Variants in GTF2IRD1 observed in about 807,000 individuals in gnomAD.
GTF2IRD1 encodes the protein general transcription factor II-I repeat domain-containing protein 1.
Under a neutral mutation model 113.2 loss-of-function variants are expected in GTF2IRD1, and 26 were observed. The ratio of observed to expected loss-of-function variants is 0.23; its 90% CI spans 0.17 to 0.32. The LOEUF (loss-of-function observed/expected upper bound fraction) is 0.32, where lower values mean the gene tolerates loss of function less well. GTF2IRD1 is among the 10% of genes least tolerant of loss of function. The probability of loss-of-function intolerance (pLI) is 1.00; values close to 1 mark genes in which losing one functional copy is unlikely to be tolerated. For synonymous variants in GTF2IRD1, 484 were observed against 529.1 expected (o/e 0.91, Z 1.17); for missense variants, 864 against 1,280.8 (o/e 0.67, Z 4.97).
intron 7 of GTF2IRD1, among the ~76,000 whole-genome samples, chr7:74,522,859 A>G (rs1436906276): frequency 1.3e-5 from 2 of 152,250 alleles, no homozygotes; most frequent in Non-Finnish European, 2.9e-5. Flanking sequence ...TAAAGTACTT[A>G]GCACAGATAA....
chr7:74,527,930 A>T lies in GTF2IRD1; in HGVS notation c.1091-1804A>T, dbSNP rs141563458. Among the ~76,000 whole-genome samples the T allele has an allele frequency of 1.3e-3, 201 of 152,242 alleles. 1 individual carries two copies. Among genetic ancestry groups the T allele is most frequent in the African/African-American group, 4.6e-3 (189 of 41,532 alleles). ...ACTGAAATGGCACAAGTCTGGGAAAACAGAGCAAGTAGCCTGGGCATGAGC... is the reference window on the plus strand; with the variant it reads ...ACTGAAATGGCACAAGTCTGGGAAATCAGAGCAAGTAGCCTGGGCATGAGC... On this transcript the variant is annotated intron_variant, in intron 8 of 26. Transcript: ENST00000424337.
chr7:74,533,800 G>A (rs1484306655), intron 9 of GTF2IRD1, among the ~76,000 whole-genome samples: 12 of 152,174 alleles, frequency 7.9e-5, no homozygotes, highest in Admixed American at 5.9e-4. Context: ...CTGGGAGGCT[G>A]AGGCAGGAGG....
chr7:74,572,825 G>A (rs1404567976), intron 22 of GTF2IRD1, among the ~76,000 whole-genome samples: 1 of 152,124 alleles, frequency 6.6e-6, no homozygotes, highest in Non-Finnish European at 1.5e-5. Context: ...TTGTTAATTA[G>A]GGTTCAGTAA....
At chr7:74,562,555 C>CT (rs1167468655) in intron 22 of GTF2IRD1, among the ~76,000 whole-genome samples, 23,087 of 62,398 alleles carry the variant, frequency 0.37, 8,312 homozygotes, top group Non-Finnish European at 0.45. Flanking sequence ...CAATTGCCCT[C>CT]TTTTTTTTTT....
At chr7:74,466,993 C>G (rs1758849480) in intron 1 of GTF2IRD1, among the ~76,000 whole-genome samples, 1 of 151,516 alleles carries the variant, frequency 6.6e-6, no homozygotes, top group Admixed American at 6.6e-5. Flanking sequence ...CTCCATTGCC[C>G]AGGCTGGAGT....
Position 74,508,159 on chromosome 7 carries a change from A to G in GTF2IRD1, c.79A>G (p.Lys27Glu). ...PDRWNSAFTR[K>E]DEIITSLVSA... Reference sequence around the variant, plus strand: ...CCGCTGGAACTCCGCGTTCACCCGCAAAGACGAGATCATCACCAGCCTCGT... The same window carrying G: ...CCGCTGGAACTCCGCGTTCACCCGCGAAGACGAGATCATCACCAGCCTCGT... The change falls in exon 2 of 27, where the codon AAA becomes GAA. Residue 27 changes from lysine to glutamate, a missense_variant. Transcript: ENST00000424337. 6.2e-7 allele frequency: 1 copy of G among 1,612,894 alleles called. No individual in the cohort carries two copies. Among genetic ancestry groups the G allele is most frequent in the Non-Finnish European group, 8.5e-7 (1 of 1,179,978 alleles).
chr7:74,472,438 C>T (rs528616906), intron 1 of GTF2IRD1, among the ~76,000 whole-genome samples: 34 of 152,280 alleles, frequency 2.2e-4, no homozygotes, highest in African/African-American at 6.7e-4. Flanking sequence ...TCTAGAGTTA[C>T]GAGGATCAAG....
intron 1 of GTF2IRD1, among the ~76,000 whole-genome samples, chr7:74,480,948 C>T (rs782458457): frequency 3.3e-5 from 5 of 152,074 alleles, no homozygotes; most frequent in Non-Finnish European, 7.4e-5. Flanking sequence ...GATGGGGCTT[C>T]GCATGGCCAG....
intron 1 of GTF2IRD1, among the ~76,000 whole-genome samples, chr7:74,476,120 G>T (rs1794391180): frequency 6.6e-6 from 1 of 152,126 alleles, no homozygotes. Flanking sequence ...TTTTGCAGTT[G>T]GATGGTGTGG....
At chr7:74,547,438 CCT>C in intron 17 of GTF2IRD1, 152 bp downstream of exon 17, 5 of 499,374 alleles carry the variant, frequency 1.0e-5, no homozygotes, top group Non-Finnish European at 1.7e-5. Context: ...CCATGCCCAG[CCT>C]TTTTTTTTTT....
intron 14 of GTF2IRD1, among the ~76,000 whole-genome samples, chr7:74,543,156 G>T (rs1365764979): frequency 5.3e-5 from 8 of 152,126 alleles, no homozygotes; most frequent in Non-Finnish European, 1.0e-4. Context: ...TACAAAATTA[G>T]CTGGGCATGG....
chr7:74,497,310 T>G (rs531879593), intron 1 of GTF2IRD1, among the ~76,000 whole-genome samples: 5 of 152,202 alleles, frequency 3.3e-5, no homozygotes, highest in Non-Finnish European at 7.3e-5. Context: ...AGCGGAAACG[T>G]GGAGTGCAGT....
At chr7:74,548,563 A>T (rs1799100451) in intron 17 of GTF2IRD1, among the ~76,000 whole-genome samples, 1 of 152,098 alleles carries the variant, frequency 6.6e-6, no homozygotes. Flanking sequence ...TGAGCCCAAG[A>T]GTTCAAGACC....
intron 17 of GTF2IRD1, among the ~76,000 whole-genome samples, chr7:74,551,150 T>C (rs1329268119): frequency 6.6e-6 from 1 of 152,122 alleles, no homozygotes; most frequent in African/African-American, 2.4e-5. Flanking sequence ...GAAATCAGCC[T>C]GGCCAACATG....
chr7:74,510,488 T>C (rs1554342603), intron 2 of GTF2IRD1, among the ~76,000 whole-genome samples: 1 of 151,358 alleles, frequency 6.6e-6, no homozygotes. Context: ...TTTGTATTTT[T>C]AGTAGAGACG....
intron 1 of GTF2IRD1, among the ~76,000 whole-genome samples, chr7:74,494,998 T>G (rs1554337541): frequency 6.6e-6 from 1 of 152,222 alleles, no homozygotes; most frequent in Admixed American, 6.5e-5. Context: ...CAAGCAATCC[T>G]TCTGCCTCAG....
At chr7:74,539,834 A>G (rs1554351241) in intron 13 of GTF2IRD1, 45 bp from the exon 14 acceptor site, 3 of 1,367,486 alleles carry the variant, frequency 2.2e-6, no homozygotes, top group East Asian at 2.3e-5. Flanking sequence ...TGACAGGAGT[A>G]TGACAGGCAG....
intron 1 of GTF2IRD1, among the ~76,000 whole-genome samples, chr7:74,460,079 G>T (rs1554328697): frequency 6.7e-6 from 1 of 149,870 alleles, no homozygotes; most frequent in African/African-American, 2.5e-5. Flanking sequence ...CGGCTCAAGC[G>T]ATCCTTCTGG....
At chr7:74,592,522 G>A (rs1562899352) in intron 24 of GTF2IRD1, among the ~76,000 whole-genome samples, 1 of 150,398 alleles carries the variant, frequency 6.6e-6, no homozygotes, top group East Asian at 2.0e-4. Context: ...CCTGGCCTGT[G>A]GTGTATTTCT....
Sources: gnomAD v4.1 joint callset for allele counts (sites outside exome capture counted in the v4.1 genomes callset) on GRCh38, gnomAD v4.1.1 for gene constraint, MANE v1.5 for transcripts, NCBI Gene and HGNC (gene_info 2026-07-23, HGNC 2026-07-21) for gene names.